Variants in PSMG2 observed in about 807,000 individuals in gnomAD.
The protein encoded by PSMG2 is CD40 ligand-activated specific transcript 3.
A neutral mutation model predicts 31.5 loss-of-function variants in PSMG2; 21 were observed. That is an observed-to-expected ratio of 0.67 (90% CI 0.47 to 0.96). PSMG2 has a LOEUF of 0.96. PSMG2 is among the 40% of genes least tolerant of loss of function. PSMG2 has a pLI of 0.00. For missense variants in PSMG2, 318 were observed against 321.2 expected, an observed-to-expected ratio of 0.99 and a Z score of 0.08; for synonymous variants, 120 against 110.4, an observed-to-expected ratio of 1.09 and a Z score of -0.54.
At chr18:12,695,126 C>T in intron 1 of PSMG2, 1 of 452,982 alleles carries the variant, frequency 2.2e-6, no homozygotes. Flanking sequence ...TTTTGTGAAC[C>T]TTTGAGTGCT....
chr18:12,676,279 C>CTTTTTT (rs1157897766), intron 1 of PSMG2, among the ~76,000 whole-genome samples: 5 of 106,404 alleles, frequency 4.7e-5, no homozygotes, highest in African/African-American at 7.0e-5. Flanking sequence ...ACAGTAATTC[C>CTTTTTT]TTTTTTTTTT....
chr18:12,722,404 T>G (rs1393505809), intron 5 of PSMG2, among the ~76,000 whole-genome samples: 1 of 151,986 alleles, frequency 6.6e-6, no homozygotes, highest in Non-Finnish European at 1.5e-5. Context: ...AGGAAATCAG[T>G]TAAGACTACA....
intron 1 of PSMG2, among the ~76,000 whole-genome samples, chr18:12,682,873 C>T (rs2039400486): frequency 6.6e-6 from 1 of 151,930 alleles, no homozygotes; most frequent in Non-Finnish European, 1.5e-5. Flanking sequence ...CCACCCACCT[C>T]GGCCTCCCAA....
chr18:12,714,836 G>A (rs773770264), intron 3 of PSMG2, among the ~76,000 whole-genome samples: 2 of 151,846 alleles, frequency 1.3e-5, no homozygotes, highest in African/African-American at 2.4e-5. Context: ...CTCGCAAGCA[G>A]CTGGATTACG....
At chr18:12,699,913 G>A (rs28458340), upstream of PSMG2, 167 of 1,551,712 alleles carry the variant, frequency 1.1e-4, no homozygotes, top group African/African-American at 1.8e-3. Flanking sequence ...GTCCTAGAAA[G>A]GCAGGAAAAA....
chr18:12,712,609 A>C, intron 2 of PSMG2, 93 bp from the exon 3 acceptor site: 1 of 879,248 alleles, frequency 1.1e-6, no homozygotes, highest in Non-Finnish European at 1.8e-6. Context: ...TTTAAATGCA[A>C]AAGGTATTAT....
intron 1 of PSMG2, among the ~76,000 whole-genome samples, chr18:12,703,961 G>A (rs941715002): frequency 4.5e-4 from 69 of 152,294 alleles, no homozygotes; most frequent in African/African-American, 1.4e-3. Context: ...ATAGGCTGTA[G>A]GCCCTGTGAA....
intron 2 of PSMG2, among the ~76,000 whole-genome samples, chr18:12,707,158 C>T (rs562580571): frequency 1.3e-5 from 2 of 152,258 alleles, no homozygotes; most frequent in East Asian, 3.9e-4. Context: ...GGGGGTTTCA[C>T]TGTGTTAGCC....
upstream of PSMG2, among the ~76,000 whole-genome samples, chr18:12,702,199 A>C (rs1027798745): frequency 6.6e-6 from 1 of 152,254 alleles, no homozygotes; most frequent in African/African-American, 2.4e-5. Context: ...TCCGACTTCC[A>C]GAAGTCGCTC....
chr18:12,720,553 GT>G lies in PSMG2; in HGVS notation c.453del (p.Gln152LysfsTer4). 1 of 1,612,346 alleles carries G rather than the reference GT, an allele frequency of 6.2e-7. No homozygotes were observed. The highest frequency in any genetic ancestry group is 8.5e-7 in the Non-Finnish European group (1 of 1,179,338). ...YLLTPSMQKS[V>X]QNKIKSLNWE... ...ACTTACACCTTCCATGCAAAAAAGTGTTCAAAATAAAATAAAGAGCCTTAAC... is the reference window on the plus strand; with the variant it reads ...ACTTACACCTTCCATGCAAAAAAGTGTCAAAATAAAATAAAGAGCCTTAAC... On this transcript the variant is annotated frameshift_variant, in exon 5 of 7. Coordinates refer to ENST00000317615, the MANE Select transcript of PSMG2 (RefSeq NM_020232.5). LOFTEE classifies it high-confidence loss of function.
At position 12,725,482 on chromosome 18, in the gene PSMG2, G is replaced by A. The variant is rs972230771; in HGVS notation, c.746G>A (p.Ser249Asn). Residue 249 changes from serine to asparagine, a missense_variant, in exon 7 of 7, where the codon AGT becomes AAT. Transcript: ENST00000317615. The stretch of plus-strand genomic sequence containing the variant: ...TCTGCCTCACGGTGGAAAATACCAA[G>A]TTCTTGGAGATTACTCTTTGGCAGT... ...TVSASRWKIP[S>N]SWRLLFGSGL... 1.9e-6 allele frequency: 3 copies of A among 1,607,252 alleles called. No individual in the cohort carries two copies. Among genetic ancestry groups the A allele is most frequent in the African/African-American group, 2.7e-5 (2 of 74,816 alleles).
rs891418327 is a variant in PSMG2, at chr18:12,708,401, G to A, written c.229+1680G>A. Among the ~76,000 whole-genome samples, 11 of 150,762 alleles carry A rather than the reference G, an allele frequency of 7.3e-5. 1 individual carries two copies. In the South Asian group the frequency reaches 1.0e-3, roughly 14 times the overall value. ...TTTAATGAGATGGAGTTTTGCTCTT[G>A]TTGCCCGGGCTGGAGTGCAGTGGCG... is the stretch of plus-strand genomic sequence containing the variant. On this transcript the variant is annotated intron_variant, in intron 2 of 6. Transcript: ENST00000317615.
intron 1 of PSMG2, among the ~76,000 whole-genome samples, chr18:12,677,072 G>C (rs753181644): frequency 6.6e-6 from 1 of 152,158 alleles, no homozygotes; most frequent in South Asian, 2.1e-4. Context: ...AAGTCTTTAA[G>C]ATACATTAAT....
intron 4 of PSMG2, among the ~76,000 whole-genome samples, chr18:12,719,536 T>A (rs894743096): frequency 6.6e-6 from 1 of 151,562 alleles, no homozygotes; most frequent in Admixed American, 6.6e-5. Flanking sequence ...TACAGGTACC[T>A]GCCGCCACGC....
chr18:12,678,754 G>A (rs908684176), intron 1 of PSMG2, among the ~76,000 whole-genome samples: 1 of 152,010 alleles, frequency 6.6e-6, no homozygotes, highest in Non-Finnish European at 1.5e-5. Context: ...TCAAGAGTTC[G>A]AGACTAACCT....
intron 1 of PSMG2, among the ~76,000 whole-genome samples, chr18:12,660,627 T>TA (rs2038678029): frequency 6.6e-6 from 1 of 152,102 alleles, no homozygotes; most frequent in Non-Finnish European, 1.5e-5. Context: ...GGCCAAAAGA[T>TA]ACATTCTTAA....
At chr18:12,686,528 G>A (rs994584837) in intron 1 of PSMG2, 5 of 1,062,392 alleles carry the variant, frequency 4.7e-6, no homozygotes, top group African/African-American at 3.2e-5. Flanking sequence ...CATTAATGTA[G>A]GATAAAATAA....
At chr18:12,702,927 C>A (rs1003417317), upstream of PSMG2, 46 of 650,776 alleles carry the variant, frequency 7.1e-5, no homozygotes, top group Non-Finnish European at 1.1e-4. Flanking sequence ...GGCCACCCGG[C>A]GGCCTCTTTC....
At chr18:12,695,341 T>C in intron 1 of PSMG2, 1 of 1,492,938 alleles carries the variant, frequency 6.7e-7, no homozygotes, top group Non-Finnish European at 9.3e-7. Flanking sequence ...CAGAAACTTT[T>C]GATTCTGTGC....
Sources: allele counts gnomAD v4.1 joint callset (sites outside exome capture counted in the v4.1 genomes callset), GRCh38; gene constraint gnomAD v4.1.1; transcripts MANE v1.5; gene names NCBI Gene and HGNC (gene_info 2026-07-23, HGNC 2026-07-21).